SAMMSON: variants seen among roughly 807,000 people sequenced by gnomAD.
SAMMSON encodes the protein survival associated mitochondrial melanoma specific oncogenic non-coding RNA.
chr3:70,127,789 G>A (rs1041692363), intron 4 of SAMMSON: 3 of 152,150 alleles, frequency 2.0e-5, no homozygotes, highest in Admixed American at 6.6e-5. Context: ...CTACAGGTAC[G>A]TGCTGGCATG....
intron 4 of SAMMSON, among the ~76,000 whole-genome samples, chr3:70,237,899 T>G (rs1701625762): frequency 6.7e-6 from 1 of 148,614 alleles, no homozygotes; most frequent in African/African-American, 2.5e-5. Context: ...GAGGATGAAC[T>G]TACCAGGATC....
At chr3:70,053,250 G>A (rs2067152994) in intron 3 of SAMMSON, among the ~76,000 whole-genome samples, 1 of 152,134 alleles carries the variant, frequency 6.6e-6, no homozygotes, top group Non-Finnish European at 1.5e-5. Flanking sequence ...TTGCACTAGA[G>A]CTGCAGCTTC....
At chr3:70,167,893 G>A (rs185143838) in intron 4 of SAMMSON, among the ~76,000 whole-genome samples, 1 of 151,934 alleles carries the variant, frequency 6.6e-6, no homozygotes, top group African/African-American at 2.4e-5. Context: ...AGGATTGCTT[G>A]AACAGCTTGT....
At chr3:70,288,271 T>C (rs1426530844) in intron 6 of SAMMSON, among the ~76,000 whole-genome samples, 1 of 122,662 alleles carries the variant, frequency 8.2e-6, no homozygotes, top group Non-Finnish European at 1.7e-5. Flanking sequence ...TTTGTTCTCG[T>C]TGGTTTCAAA....
intron 4 of SAMMSON, among the ~76,000 whole-genome samples, chr3:70,225,006 G>T (rs944252151): frequency 6.6e-6 from 1 of 152,062 alleles, no homozygotes; most frequent in African/African-American, 2.4e-5. Flanking sequence ...ATGTTGATAC[G>T]TGTACTCAAG....
intron 1 of SAMMSON, among the ~76,000 whole-genome samples, chr3:70,012,077 G>A (rs1190346130): frequency 6.6e-6 from 1 of 152,098 alleles, no homozygotes; most frequent in African/African-American, 2.4e-5. Flanking sequence ...AGGAGAGCCT[G>A]CTGGTTCCAA....
intron 2 of SAMMSON, among the ~76,000 whole-genome samples, chr3:70,410,880 A>T (rs1575643802): frequency 6.6e-6 from 1 of 152,184 alleles, no homozygotes; most frequent in East Asian, 1.9e-4. Flanking sequence ...GTCTCTTTTC[A>T]CTGAAACCCA....
At chr3:70,304,420 G>A (rs1702381308) in intron 7 of SAMMSON, among the ~76,000 whole-genome samples, 1 of 152,060 alleles carries the variant, frequency 6.6e-6, no homozygotes, top group African/African-American at 2.4e-5. Context: ...AGTTTCCATG[G>A]GGATACCTCA....
downstream of SAMMSON, among the ~76,000 whole-genome samples, chr3:70,394,126 G>A (rs988243883): frequency 1.3e-5 from 2 of 152,168 alleles, no homozygotes; most frequent in Non-Finnish European, 2.9e-5. Flanking sequence ...GATTGGCTCT[G>A]GGAGTGGTGA....
At chr3:70,035,523 C>A (rs1430605034) in intron 3 of SAMMSON, among the ~76,000 whole-genome samples, 2 of 152,106 alleles carry the variant, frequency 1.3e-5, no homozygotes, top group Non-Finnish European at 2.9e-5. Context: ...TTTTAGAATT[C>A]TGCCAATGTT....
chr3:70,004,064 A>C (rs2066916451), intron 1 of SAMMSON, among the ~76,000 whole-genome samples: 1 of 151,942 alleles, frequency 6.6e-6, no homozygotes, highest in South Asian at 2.1e-4. Context: ...GGAGAGGCTG[A>C]ATTTTTCATA....
rs151134697 is a variant in SAMMSON, at chr3:70,342,673, C to G, written n.740-11502C>G. Among the ~76,000 whole-genome samples the G allele has an allele frequency of 5.9e-5, 9 of 152,248 alleles. No individual in the cohort carries two copies. The East Asian group carries it at 1.7e-3, about 29-fold the overall frequency. ...ACAGGGAGTTTATGAGATATACACC[C>G]TTTATTTCCAGAAACATCATCTTTT... On this transcript the variant is annotated intron_variant and non_coding_transcript_variant, in intron 7 of 9. Coordinates refer to ENST00000642114, the Ensembl canonical transcript of SAMMSON.
intron 6 of SAMMSON, among the ~76,000 whole-genome samples, chr3:70,272,882 C>T (rs1559550786): frequency 6.6e-6 from 1 of 152,182 alleles, no homozygotes; most frequent in Non-Finnish European, 1.5e-5. Flanking sequence ...GAGGAAATCA[C>T]TGAAACAAAA....
intron 4 of SAMMSON, among the ~76,000 whole-genome samples, chr3:70,196,734 G>A (rs373822964): frequency 2.0e-5 from 3 of 152,244 alleles, no homozygotes; most frequent in Non-Finnish European, 2.9e-5. Context: ...TGAGCCATGC[G>A]GTTGTGAAAT....
chr3:70,255,889 G>A (rs9884082), intron 6 of SAMMSON, among the ~76,000 whole-genome samples: 1,602 of 152,298 alleles, frequency 0.011, 28 homozygotes, highest in African/African-American at 0.035. Flanking sequence ...GGTGCAAACT[G>A]TGTGGATCCT....
At chr3:70,416,742 C>CCTCATCTTAAACATGTTTAA (rs1274256866) in intron 2 of SAMMSON, among the ~76,000 whole-genome samples, 2 of 152,026 alleles carry the variant, frequency 1.3e-5, no homozygotes, top group East Asian at 3.9e-4. Flanking sequence ...TCTATATCAC[C>CCTCATCTTAAACATGTTTAA]AGCATGAACC....
intron 4 of SAMMSON, among the ~76,000 whole-genome samples, chr3:70,157,443 C>T (rs1284789780): frequency 1.3e-5 from 2 of 152,038 alleles, no homozygotes; most frequent in African/African-American, 4.8e-5. Context: ...CTGTGCTTAT[C>T]ATTCACATGA....
chr3:70,399,679 A>C (rs1305588960), intron 2 of SAMMSON, among the ~76,000 whole-genome samples: 2 of 152,116 alleles, frequency 1.3e-5, no homozygotes, highest in East Asian at 3.9e-4. Flanking sequence ...CAGCCTGGCC[A>C]ACATGGTGAA....
intron 2 of SAMMSON, among the ~76,000 whole-genome samples, chr3:70,418,459 G>C (rs775497858): frequency 6.6e-6 from 1 of 152,148 alleles, no homozygotes; most frequent in Non-Finnish European, 1.5e-5. Context: ...GCTTACTCTT[G>C]CCTTTGCTGA....
Sources: allele counts gnomAD v4.1 joint callset (sites outside exome capture counted in the v4.1 genomes callset), GRCh38; gene constraint gnomAD v4.1.1; transcripts MANE v1.5; gene names NCBI Gene and HGNC (gene_info 2026-07-23, HGNC 2026-07-21).